PDE8A: variants seen among roughly 807,000 people sequenced by gnomAD.
The protein encoded by PDE8A is high affinity cAMP-specific and IBMX-insensitive 3',5'-cyclic phosphodiesterase 8A.
PDE8A carries 59 observed loss-of-function variants against 105.0 expected under a neutral mutation model. The observed-to-expected ratio is 0.56, with a 90% CI of 0.46 to 0.70. The LOEUF (loss-of-function observed/expected upper bound fraction) is 0.70. Ranked by LOEUF, PDE8A falls within the 30% of genes least tolerant of loss-of-function variation. The pLI, the probability that PDE8A is intolerant of heterozygous loss-of-function variation, is 0.00. For missense variants in PDE8A, 1,014 were observed against 1,045.9 expected (o/e 0.97, Z 0.42); for synonymous variants, 355 against 371.9 (o/e 0.95, Z 0.52).
In PDE8A at chr15:84,993,991, AT is replaced by A. The variant is rs559712748; in HGVS notation, c.186+11647del. On this transcript the variant is annotated intron_variant, in intron 1 of 21. Coordinates refer to ENST00000394553, the MANE Select transcript of PDE8A (RefSeq NM_002605.3). ...AAATGTTGTCCCCTTAAGTTTTCTC[AT>A]TTTCTCTTCTGCAGCTCCCTCCAAA... Among the ~76,000 whole-genome samples the A allele has an allele frequency of 9.0e-4, 137 of 152,164 alleles. 1 individual carries two copies. Among genetic ancestry groups the A allele is most frequent in the Admixed American group, 2.4e-3 (36 of 15,296 alleles).
chr15:85,113,818 C>T, intron 13 of PDE8A, 55 bp from the exon 14 acceptor site: 1 of 1,369,730 alleles, frequency 7.3e-7, no homozygotes, highest in South Asian at 1.3e-5. Flanking sequence ...CCATGCCTGG[C>T]TCTCCCACTG....
intron 1 of PDE8A, among the ~76,000 whole-genome samples, chr15:84,987,969 A>T (rs1332434260): frequency 1.3e-5 from 2 of 152,224 alleles, no homozygotes; most frequent in Non-Finnish European, 2.9e-5. Flanking sequence ...TTCTCAGTAC[A>T]CTGAGGCAGT....
At chr15:85,017,686 A>C (rs2080348954) in intron 1 of PDE8A, among the ~76,000 whole-genome samples, 1 of 152,126 alleles carries the variant, frequency 6.6e-6, no homozygotes, top group African/African-American at 2.4e-5. Context: ...CAGGAGTTCA[A>C]GACCAGCCTG....
intron 3 of PDE8A, among the ~76,000 whole-genome samples, chr15:85,071,701 G>C (rs751900057): frequency 2.6e-5 from 4 of 152,172 alleles, no homozygotes; most frequent in Non-Finnish European, 5.9e-5. Context: ...CTGACACCAA[G>C]GGTTCAGTGA....
rs143663282 is a variant in PDE8A at position 85,093,962 on chromosome 15, C to T, written c.852+2781C>T. ...GCAGCCTTGATCTCCCAGGCTCAAG[C>T]GATTTTCCCACTTCAGCCTCCCAAG... is the stretch of plus-strand genomic sequence containing the variant. On this transcript the variant is annotated intron_variant, in intron 8 of 21. Coordinates refer to ENST00000394553, the MANE Select transcript of PDE8A (RefSeq NM_002605.3). 9.7e-3 allele frequency among the ~76,000 whole-genome samples: 1,478 copies of T among 152,184 alleles called. 17 individuals are homozygous for T. The highest frequency in any genetic ancestry group is 0.068 in the Middle Eastern group (20 of 294).
chr15:85,136,415 T>C, intron 20 of PDE8A, 119 bp from the exon 21 acceptor site: 3 of 1,017,222 alleles, frequency 2.9e-6, no homozygotes, highest in South Asian at 3.1e-5. Flanking sequence ...GGTGATTGGC[T>C]TCTCACCATG....
chr15:85,116,211 T>A, intron 16 of PDE8A, 92 bp downstream of exon 16: 1 of 1,347,436 alleles, frequency 7.4e-7, no homozygotes, highest in Non-Finnish European at 1.0e-6. Context: ...TGCACAAGCC[T>A]GGTACCTGGT....
intron 1 of PDE8A, among the ~76,000 whole-genome samples, chr15:84,990,423 A>T (rs1187804020): frequency 6.6e-6 from 1 of 152,138 alleles, no homozygotes; most frequent in African/African-American, 2.4e-5. Flanking sequence ...CACTGTTCTG[A>T]ATTTTTTCCA....
chr15:85,089,132 ATTGGAAGGAAAGATACCGCAG>A (rs2081599729), intron 6 of PDE8A, among the ~76,000 whole-genome samples, 185 bp from the exon 7 acceptor site: 1 of 152,252 alleles, frequency 6.6e-6, no homozygotes, highest in South Asian at 2.1e-4. Context: ...TTTCCTTCAT[ATTGGAAGGAAAGATACCGCAG>A]TGTGTACATA....
At chr15:85,014,679 G>C (rs978051936) in intron 1 of PDE8A, among the ~76,000 whole-genome samples, 1 of 152,098 alleles carries the variant, frequency 6.6e-6, no homozygotes, top group South Asian at 2.1e-4. Flanking sequence ...GTGGCATACT[G>C]TACATAGTAC....
chr15:85,067,833 G>A (rs1354583347), intron 3 of PDE8A, among the ~76,000 whole-genome samples: 1 of 152,146 alleles, frequency 6.6e-6, no homozygotes, highest in Non-Finnish European at 1.5e-5. Context: ...ATTATTTATG[G>A]GGTATGTGGT....
In PDE8A at chr15:85,113,796, A is replaced by T. The variant is rs2082054204; in HGVS notation, c.1186-77A>T. 10 of 1,129,450 alleles carry T rather than the reference A, an allele frequency of 8.9e-6. No individual in the cohort carries two copies. The Admixed American group carries it at 1.6e-4, about 18-fold the overall frequency. The allele number at this position is 1,129,450 out of a possible 1,614,324, so 70.0% of individuals were successfully genotyped here. A position where few individuals can be genotyped will look rare whatever the true frequency, so the allele number is the denominator to read the frequency against. On this transcript the variant is annotated intron_variant, in intron 13 of 21. Transcript: ENST00000394553. ...CAGCCTCCTGAGTAGCTGGAATTAC[A>T]GACACGTACTGCCATGCCTGGCTCT...
intron 12 of PDE8A, among the ~76,000 whole-genome samples, chr15:85,110,620 A>G (rs989668368): frequency 1.3e-5 from 2 of 152,234 alleles, no homozygotes; most frequent in African/African-American, 4.8e-5. Flanking sequence ...TAGGTATGTC[A>G]TAGTTCCTTC....
intron 1 of PDE8A, among the ~76,000 whole-genome samples, chr15:85,007,596 C>T (rs1389512873): frequency 1.3e-5 from 2 of 151,942 alleles, no homozygotes; most frequent in Non-Finnish European, 2.9e-5. Context: ...GTTTTCAGAT[C>T]TCAGCTCTGC....
chr15:85,061,382 C>T (rs1235924340), intron 1 of PDE8A, among the ~76,000 whole-genome samples: 7 of 151,848 alleles, frequency 4.6e-5, no homozygotes, highest in African/African-American at 1.5e-4. Flanking sequence ...TACAGGCACC[C>T]GCCACCACAC....
chr15:85,004,982 A>G (rs1179362498), intron 1 of PDE8A, among the ~76,000 whole-genome samples: 1 of 151,590 alleles, frequency 6.6e-6, no homozygotes, highest in Non-Finnish European at 1.5e-5. Flanking sequence ...CATAGTCCAT[A>G]TGATTTTTTT....
chr15:85,118,781 G>A (rs563824479), intron 17 of PDE8A, among the ~76,000 whole-genome samples: 64 of 152,366 alleles, frequency 4.2e-4, no homozygotes, highest in Non-Finnish European at 6.9e-4. Context: ...TGCAGGGCCA[G>A]GGCAAGTGGC....
intron 1 of PDE8A, among the ~76,000 whole-genome samples, chr15:84,993,642 G>A (rs1202010024): frequency 6.6e-6 from 1 of 151,992 alleles, no homozygotes; most frequent in Non-Finnish European, 1.5e-5. Context: ...ACTTTTGGGA[G>A]GACAAGATGG....
rs550311546 is a variant in PDE8A, at chr15:85,007,099, G to A, written c.186+24751G>A. 5.9e-5 allele frequency among the ~76,000 whole-genome samples: 9 copies of A among 152,286 alleles called. No homozygotes were observed. In the South Asian group the frequency reaches 6.2e-4, roughly 11 times the overall value. On this transcript the variant is annotated intron_variant, in intron 1 of 21. Transcript: ENST00000394553. Reference sequence around the variant, plus strand: ...ATCTGGAATTGGAGTTTTGCATTTCGCAGAATGTCCAGTAGCTACTGATGA... The same window carrying A: ...ATCTGGAATTGGAGTTTTGCATTTCACAGAATGTCCAGTAGCTACTGATGA...
Sources: gnomAD v4.1 joint callset for allele counts (sites outside exome capture counted in the v4.1 genomes callset) on GRCh38, gnomAD v4.1.1 for gene constraint, MANE v1.5 for transcripts, NCBI Gene and HGNC (gene_info 2026-07-23, HGNC 2026-07-21) for gene names.